The following COX7B2 variants were observed in gnomAD, a reference collection of about 807,000 sequenced individuals.
COX7B2 encodes the protein cytochrome c oxidase subunit 7B2, mitochondrial.
For synonymous variants in COX7B2, 37 were observed against 32.1 expected (o/e 1.15, Z -0.51); for missense variants, 109 against 95.9 (o/e 1.14, Z -0.57).
At chr4:46,776,328 T>G (rs981478105) in intron 2 of COX7B2, among the ~76,000 whole-genome samples, 4 of 151,972 alleles carry the variant, frequency 2.6e-5, no homozygotes, top group Non-Finnish European at 5.9e-5. Context: ...TGTTAAAATA[T>G]CTGGACTATA....
At chr4:46,903,816 G>C (rs1459633175) in intron 1 of COX7B2, 3 of 152,216 alleles carry the variant, frequency 2.0e-5, no homozygotes, top group African/African-American at 7.2e-5. Context: ...TGTGTAGTAA[G>C]CTATACCATC....
intron 2 of COX7B2, among the ~76,000 whole-genome samples, chr4:46,763,214 AAT>A (rs1378627332): frequency 2.2e-5 from 3 of 137,690 alleles, no homozygotes; most frequent in African/African-American, 8.3e-5. Context: ...TTATATTTAT[AAT>A]ATATATTCAT....
rs773481406 is a variant in COX7B2 at position 46,744,738 on chromosome 4, ATTT to A, written c.-49-9500_-49-9498del. 4.7e-3 allele frequency among the ~76,000 whole-genome samples: 588 copies of A among 124,638 alleles called. 4 individuals are homozygous for A. The highest frequency in any genetic ancestry group is 0.014 in the African/African-American group (474 of 34,880). 81.8% of individuals were successfully genotyped at this position (124,638 alleles called of 152,430 possible). A position where few individuals can be genotyped will look rare whatever the true frequency, so the allele number is the denominator to read the frequency against. On this transcript the variant is annotated intron_variant, in intron 2 of 2. Coordinates refer to ENST00000355591, the MANE Select transcript of COX7B2 (RefSeq NM_130902.3). ...ACTTTTAGATATCAAAGATATTTTA[ATTT>A]TTTTTTTTTTTTTTTTTGGGAGACG...
At chr4:46,906,877 G>T (rs571505111) in intron 1 of COX7B2, among the ~76,000 whole-genome samples, 3 of 152,188 alleles carry the variant, frequency 2.0e-5, no homozygotes, top group Admixed American at 6.5e-5. Context: ...CTTGAGCCTT[G>T]TCTTGCATCC....
intron 2 of COX7B2, among the ~76,000 whole-genome samples, chr4:46,786,841 G>A (rs1717776098): frequency 6.6e-6 from 1 of 152,160 alleles, no homozygotes; most frequent in Admixed American, 6.5e-5. Flanking sequence ...TCCCTAAAGA[G>A]GTAGCCAGAC....
intron 2 of COX7B2, among the ~76,000 whole-genome samples, chr4:46,811,204 G>A (rs1364068221): frequency 6.6e-6 from 1 of 151,924 alleles, no homozygotes; most frequent in African/African-American, 2.4e-5. Context: ...TCCCAGACCT[G>A]GAATATTTTC....
At chr4:46,824,240 C>A (rs1330071237) in intron 2 of COX7B2, among the ~76,000 whole-genome samples, 1 of 152,036 alleles carries the variant, frequency 6.6e-6, no homozygotes, top group East Asian at 1.9e-4. Context: ...TACAGCTGTA[C>A]AAAGAAAAGT....
At chr4:46,851,971 CT>C (rs954180788) in intron 1 of COX7B2, among the ~76,000 whole-genome samples, 3 of 152,116 alleles carry the variant, frequency 2.0e-5, no homozygotes, top group African/African-American at 7.2e-5. Context: ...TGGTAAGTAT[CT>C]TGGGAATATA....
intron 2 of COX7B2, among the ~76,000 whole-genome samples, chr4:46,832,003 C>G (rs895927471): frequency 6.6e-6 from 1 of 152,150 alleles, no homozygotes; most frequent in Non-Finnish European, 1.5e-5. Flanking sequence ...CCAATCAGCA[C>G]CCTGTTAAAA....
chr4:46,800,604 C>A (rs1016836727), intron 2 of COX7B2, among the ~76,000 whole-genome samples: 1 of 152,084 alleles, frequency 6.6e-6, no homozygotes, highest in African/African-American at 2.4e-5. Flanking sequence ...AAAATCAATT[C>A]AAGATGAATT....
chr4:46,872,489 T>C (rs997598823), intron 1 of COX7B2, among the ~76,000 whole-genome samples: 2 of 152,084 alleles, frequency 1.3e-5, no homozygotes, highest in East Asian at 1.9e-4. Flanking sequence ...TATAAATAAA[T>C]AGATAAATAC....
chr4:46,864,835 G>C (rs1366662190), intron 1 of COX7B2, among the ~76,000 whole-genome samples: 2 of 152,002 alleles, frequency 1.3e-5, no homozygotes, highest in African/African-American at 2.4e-5. Flanking sequence ...TAATAGAGAC[G>C]GTTTTTCACC....
chr4:46,782,781 G>C (rs1330468020), intron 2 of COX7B2, among the ~76,000 whole-genome samples: 2 of 152,062 alleles, frequency 1.3e-5, no homozygotes, highest in African/African-American at 4.8e-5. Flanking sequence ...GAGCTGTAAG[G>C]CTCACCGCGA....
intron 1 of COX7B2, among the ~76,000 whole-genome samples, chr4:46,864,548 G>A (rs775561464): frequency 3.9e-5 from 6 of 152,090 alleles, no homozygotes; most frequent in Non-Finnish European, 7.4e-5. Context: ...TAATCATTGC[G>A]TTCTTGGTCA....
At chr4:46,805,382 T>G (rs1413254609) in intron 2 of COX7B2, among the ~76,000 whole-genome samples, 1 of 152,234 alleles carries the variant, frequency 6.6e-6, no homozygotes, top group African/African-American at 2.4e-5. Flanking sequence ...ATATGCTACA[T>G]GTTAAGTAAG....
chr4:46,825,961 A>G (rs1714662106), intron 2 of COX7B2, among the ~76,000 whole-genome samples: 1 of 152,214 alleles, frequency 6.6e-6, no homozygotes, highest in Admixed American at 6.5e-5. Context: ...TCCTGGACAT[A>G]AGAATGGGCA....
chr4:46,823,009 AG>A (rs1714412612), intron 2 of COX7B2, among the ~76,000 whole-genome samples: 1 of 152,184 alleles, frequency 6.6e-6, no homozygotes, highest in Non-Finnish European at 1.5e-5. Flanking sequence ...ATGGAGAAGC[AG>A]GACCAGCATT....
At chr4:46,806,547 A>G (rs566670615) in intron 2 of COX7B2, among the ~76,000 whole-genome samples, 1 of 152,202 alleles carries the variant, frequency 6.6e-6, no homozygotes, top group Non-Finnish European at 1.5e-5. Flanking sequence ...TTTTTGAGGC[A>G]AGAACAGCTA....
In COX7B2 at chr4:46,766,706, G is replaced by GAA. The variant is rs57884969; in HGVS notation, c.-49-31467_-49-31466dup. On this transcript the variant is annotated intron_variant, in intron 2 of 2. Transcript: ENST00000355591. ...ACAAAGAGAGACTCCGTCTCGAAAA[G>GAA]AAAAAAAAAAAAAAAAAGAGTCAGG... 9.4e-4 allele frequency among the ~76,000 whole-genome samples: 91 copies of GAA among 96,586 alleles called. 2 individuals are homozygous for GAA. The highest frequency in any genetic ancestry group is 4.7e-3 in the South Asian group (16 of 3,428). The allele number at this position is 96,586 out of a possible 152,430, so 63.4% of individuals were successfully genotyped here. A position where few individuals can be genotyped will look rare whatever the true frequency, so the allele number is the denominator to read the frequency against.
Sources: gnomAD v4.1 joint callset for allele counts (sites outside exome capture counted in the v4.1 genomes callset) on GRCh38, gnomAD v4.1.1 for gene constraint, MANE v1.5 for transcripts, NCBI Gene and HGNC (gene_info 2026-07-23, HGNC 2026-07-21) for gene names.